The following STX8 variants were observed in gnomAD, a reference collection of about 807,000 sequenced individuals.
STX8 encodes the protein syntaxin 8.
A neutral mutation model predicts 37.5 loss-of-function variants in STX8; 23 were observed. The ratio of observed to expected loss-of-function variants is 0.61; its 90% confidence interval spans 0.44 to 0.87. The LOEUF (loss-of-function observed/expected upper bound fraction) is 0.87. STX8 is among the 40% of genes least tolerant of loss of function. The probability of loss-of-function intolerance (pLI) is 0.00; values close to 1 mark genes in which losing one functional copy is unlikely to be tolerated. For missense variants in STX8, 313 were observed against 284.7 expected (o/e 1.10, Z -0.71); for synonymous variants, 115 against 99.1 (o/e 1.16, Z -0.95).
intron 7 of STX8, among the ~76,000 whole-genome samples, chr17:9,300,454 AT>A (rs1908731788): frequency 6.6e-6 from 1 of 151,226 alleles, no homozygotes; most frequent in Admixed American, 6.6e-5. Flanking sequence ...TCCCCCTTTT[AT>A]TTTGCTTCAG....
At chr17:9,308,744 A>AT (rs1432209092) in intron 7 of STX8, among the ~76,000 whole-genome samples, 1 of 147,960 alleles carries the variant, frequency 6.8e-6, no homozygotes, top group Non-Finnish European at 1.5e-5. Context: ...AAAAAAAAAA[A>AT]GGAATTCTAG....
intron 7 of STX8, among the ~76,000 whole-genome samples, chr17:9,359,452 C>T (rs1303823692): frequency 6.6e-6 from 1 of 151,768 alleles, no homozygotes; most frequent in Non-Finnish European, 1.5e-5. Flanking sequence ...TCTGAACTCC[C>T]ATCACCCACA....
chr17:9,333,563 A>AT (rs562547848), intron 7 of STX8, among the ~76,000 whole-genome samples: 93 of 151,754 alleles, frequency 6.1e-4, no homozygotes, highest in African/African-American at 2.0e-3. Flanking sequence ...AATATTTTGT[A>AT]TTTTTTTAGT....
chr17:9,314,752 C>T lies in STX8; in HGVS notation c.643+63800G>A, dbSNP rs1299861561. ...ATATACCCTGAGGAATATCCTAAGC[C>T]CCCCAGCCGACTGAATGGATTCCCC... On this transcript the variant is annotated intron_variant, in intron 7 of 7. Transcript: ENST00000306357. 2.6e-5 allele frequency among the ~76,000 whole-genome samples: 4 copies of T among 151,398 alleles called. No homozygotes were observed. The South Asian group carries it at 8.3e-4, about 32-fold the overall frequency.
At chr17:9,475,217 G>A (rs190020862) in intron 6 of STX8, among the ~76,000 whole-genome samples, 33 of 152,296 alleles carry the variant, frequency 2.2e-4, no homozygotes, top group Non-Finnish European at 3.4e-4. Context: ...ACGAAGAAGC[G>A]TTATCAATGA....
chr17:9,445,530 T>TTGGGGGGGGGGGGGG (rs1904815294), intron 6 of STX8, among the ~76,000 whole-genome samples: 7 of 56,140 alleles, frequency 1.2e-4, no homozygotes, highest in South Asian at 7.7e-4. Flanking sequence ...GGGGTGGGGG[T>TTGGGGGGGGGGGGGG]GAGGGCTCAC....
rs573748643 is a variant in STX8 at position 9,444,943 on chromosome 17, T to C, written c.541+46886A>G. ...CAAACATGTTGCCGTCTAACACAGA[T>C]TGATCACCAGCTGGGAAGCAAGTCA... On this transcript the variant is annotated intron_variant, in intron 6 of 7. Transcript: ENST00000306357. 9.2e-5 allele frequency among the ~76,000 whole-genome samples: 14 copies of C among 152,292 alleles called. No individual in the cohort carries two copies. The East Asian group carries it at 1.7e-3, about 19-fold the overall frequency.
At chr17:9,572,545 G>A (rs1483103147) in intron 1 of STX8, among the ~76,000 whole-genome samples, 4 of 152,162 alleles carry the variant, frequency 2.6e-5, no homozygotes, top group African/African-American at 9.7e-5. Context: ...GAGTAGCTGG[G>A]ATTACAGGTA....
chr17:9,504,578 T>C lies in STX8; in HGVS notation c.448+460A>G, dbSNP rs75427410. Among the ~76,000 whole-genome samples, 1,482 of 151,710 alleles carry C rather than the reference T, an allele frequency of 9.8e-3. 27 individuals carry two copies. The highest frequency in any genetic ancestry group is 0.034 in the African/African-American group (1,417 of 41,352). On this transcript the variant is annotated intron_variant, in intron 5 of 7. Transcript: ENST00000306357. ...AGCCACCGAGATGAGTGACAGCAACTGTCTATTCCTCAGGTATCCTGAGGC... is the reference window on the plus strand; with the variant it reads ...AGCCACCGAGATGAGTGACAGCAACCGTCTATTCCTCAGGTATCCTGAGGC...
At chr17:9,400,649 C>G (rs1035830793) in intron 6 of STX8, among the ~76,000 whole-genome samples, 1 of 152,164 alleles carries the variant, frequency 6.6e-6, no homozygotes, top group African/African-American at 2.4e-5. Flanking sequence ...AGGTGATCCG[C>G]CTGCCTTGGC....
chr17:9,444,319 A>G (rs778974620), intron 6 of STX8, among the ~76,000 whole-genome samples: 3 of 152,166 alleles, frequency 2.0e-5, no homozygotes, highest in Non-Finnish European at 4.4e-5. Context: ...CTTCAGCTCT[A>G]ACAACGCAAA....
chr17:9,442,304 T>C (rs1449778489), intron 6 of STX8, among the ~76,000 whole-genome samples: 1 of 152,212 alleles, frequency 6.6e-6, no homozygotes, highest in Non-Finnish European at 1.5e-5. Flanking sequence ...GCCAACATCA[T>C]GTCATGACTG....
At chr17:9,262,225 C>T (rs1440786934) in intron 7 of STX8, among the ~76,000 whole-genome samples, 2 of 152,212 alleles carry the variant, frequency 1.3e-5, no homozygotes, top group Admixed American at 1.3e-4. Context: ...TTCCATACAT[C>T]GAAACAACAT....
At chr17:9,491,700 T>G in intron 6 of STX8, 129 bp downstream of exon 6, 2 of 781,946 alleles carry the variant, frequency 2.6e-6, no homozygotes, top group African/African-American at 3.4e-5. Flanking sequence ...CTCCAATGCG[T>G]TAAACTGTAA....
chr17:9,415,532 G>A (rs2142341502), intron 6 of STX8, among the ~76,000 whole-genome samples: 1 of 152,134 alleles, frequency 6.6e-6, no homozygotes, highest in East Asian at 1.9e-4. Flanking sequence ...AGCACTTTGG[G>A]AGGCCGAGGC....
chr17:9,293,068 G>A (rs201043036), intron 7 of STX8, among the ~76,000 whole-genome samples: 1 of 152,154 alleles, frequency 6.6e-6, no homozygotes, highest in African/African-American at 2.4e-5. Flanking sequence ...ATTGAATTGG[G>A]TACAATCACT....
intron 6 of STX8, among the ~76,000 whole-genome samples, chr17:9,434,241 GAT>G (rs1597670040): frequency 6.6e-6 from 1 of 152,144 alleles, no homozygotes; most frequent in East Asian, 1.9e-4. Flanking sequence ...TGGACCTCGT[GAT>G]CCGCCGGCCT....
At chr17:9,489,617 G>C (rs1029972987) in intron 6 of STX8, among the ~76,000 whole-genome samples, 1 of 151,768 alleles carries the variant, frequency 6.6e-6, no homozygotes, top group African/African-American at 2.4e-5. Context: ...CTCACCCATC[G>C]AATAGGCTAA....
chr17:9,378,389 C>G, intron 7 of STX8, 163 bp downstream of exon 7: 1 of 592,990 alleles, frequency 1.7e-6, no homozygotes, highest in Non-Finnish European at 3.0e-6. Flanking sequence ...TCATTTTGAC[C>G]AGATTTAACC....
Sources: allele counts gnomAD v4.1 joint callset (sites outside exome capture counted in the v4.1 genomes callset), GRCh38; gene constraint gnomAD v4.1.1; transcripts MANE v1.5; gene names NCBI Gene and HGNC (gene_info 2026-07-23, HGNC 2026-07-21).